The following DNM2 variants were observed in gnomAD, a reference collection of about 807,000 sequenced individuals.
DNM2 encodes dynamin 2, also known as dynamin-2.
A neutral mutation model predicts 99.0 loss-of-function variants in DNM2; 15 were observed. The ratio of observed to expected loss-of-function variants is 0.15; its 90% confidence interval spans 0.10 to 0.23. The LOEUF (loss-of-function observed/expected upper bound fraction) is 0.23. DNM2 is among the 10% of genes least tolerant of loss of function. DNM2 has a pLI of 1.00. For missense variants in DNM2, 742 were observed against 1,189.4 expected (o/e 0.62, Z 5.53); for synonymous variants, 525 against 481.2 (o/e 1.09, Z -1.19).
At chr19:10,797,952 T>A (rs1280031807) in intron 10 of DNM2, among the ~76,000 whole-genome samples, 1 of 152,102 alleles carries the variant, frequency 6.6e-6, no homozygotes, top group Non-Finnish European at 1.5e-5. Context: ...CCCCTGTGCA[T>A]GAGGTCTGGT....
intron 1 of DNM2, among the ~76,000 whole-genome samples, chr19:10,721,374 C>G (rs147712219): frequency 0.032 from 4,906 of 152,218 alleles, 84 homozygotes; most frequent in South Asian, 0.095. Context: ...CCAGGCTGGT[C>G]TTGAACTCCT....
chr19:10,826,138 G>T (rs34795914), intron 18 of DNM2, among the ~76,000 whole-genome samples: 3,135 of 152,232 alleles, frequency 0.021, 40 homozygotes, highest in Non-Finnish European at 0.029. Flanking sequence ...GCCACACTGG[G>T]TCCATAGTCC....
chr19:10,735,187 G>C (rs1278066994), intron 1 of DNM2, among the ~76,000 whole-genome samples: 1 of 151,984 alleles, frequency 6.6e-6, no homozygotes, highest in Non-Finnish European at 1.5e-5. Flanking sequence ...GGGATTACAG[G>C]CTGCCACCAT....
intron 10 of DNM2, among the ~76,000 whole-genome samples, chr19:10,797,736 G>T (rs1038399517): frequency 6.6e-6 from 1 of 152,176 alleles, no homozygotes; most frequent in African/African-American, 2.4e-5. Flanking sequence ...AGCCTTTGTT[G>T]TTGCCAAACG....
intron 13 of DNM2, 105 bp downstream of exon 13, chr19:10,806,072 C>T (rs2072327470): frequency 3.5e-6 from 5 of 1,424,138 alleles, no homozygotes; most frequent in Admixed American, 3.5e-5. Flanking sequence ...AGCCCCACCC[C>T]ACAGCCTCAG....
chr19:10,728,774 C>T (rs2069193717), intron 1 of DNM2, among the ~76,000 whole-genome samples: 1 of 151,952 alleles, frequency 6.6e-6, no homozygotes, highest in South Asian at 2.1e-4. Flanking sequence ...ATGGCGAGCC[C>T]CATCTCTACC....
At chr19:10,787,870 A>G (rs4804140) in intron 7 of DNM2, among the ~76,000 whole-genome samples, 141,959 of 150,792 alleles carry the variant, frequency 0.94, 67,012 homozygotes, top group East Asian at 1. Flanking sequence ...TTGAGGTTGC[A>G]GTGAGCCGAG....
chr19:10,830,547 C>T lies in DNM2; in HGVS notation c.2543+169C>T, dbSNP rs1406296133. 1 of 820,814 alleles carries T rather than the reference C, an allele frequency of 1.2e-6. No individual in the cohort carries two copies. Among genetic ancestry groups the T allele is most frequent in the African/African-American group, 1.7e-5 (1 of 58,296 alleles). The allele number at this position is 820,814 out of a possible 1,614,324, so 50.8% of individuals were successfully genotyped here. A position where few individuals can be genotyped will look rare whatever the true frequency, so the allele number is the denominator to read the frequency against. ...AAACAGGCCCAGAGAGGCCAAGAGGCTTGTTCAGTGTCACAGAGTAGCGGA... is the reference window on the plus strand; with the variant it reads ...AAACAGGCCCAGAGAGGCCAAGAGGTTTGTTCAGTGTCACAGAGTAGCGGA... On this transcript the variant is annotated intron_variant, in intron 20 of 20. Coordinates refer to ENST00000389253, the MANE Select transcript of DNM2 (RefSeq NM_001005361.3). This position sits in a 1 kb window ranked among gnomAD's most constrained non-coding sequence, Gnocchi z 4.8.
chr19:10,807,871 G>A (rs752272990), intron 13 of DNM2, among the ~76,000 whole-genome samples: 38 of 151,056 alleles, frequency 2.5e-4, no homozygotes, highest in South Asian at 8.4e-4. Context: ...GGACGGGCAC[G>A]GTGGCTCACA....
Position 10,777,086 on chromosome 19 carries a change from G to GCCTCTGA in DNM2, c.590-18_590-12dup, listed in dbSNP as rs748362325. 2.2e-3 allele frequency: 3,539 copies of GCCTCTGA among 1,611,150 alleles called. 5 individuals carry two copies. Among genetic ancestry groups the GCCTCTGA allele is most frequent in the Middle Eastern group, 4.3e-3 (26 of 6,048 alleles). On this transcript the variant is annotated intron_variant, in intron 4 of 20. Transcript: ENST00000389253. ...CAGCTGATGCTCTTTCCTGGTGGCA[G>GCCTCTGA]CCTCTGACCTCTGACCTCTGGGCTC...
chr19:10,722,887 AACGTGCTGGCATTAC>A (rs1428814681), intron 1 of DNM2, among the ~76,000 whole-genome samples: 1 of 151,732 alleles, frequency 6.6e-6, no homozygotes, highest in Non-Finnish European at 1.5e-5. Flanking sequence ...TCAGTCTCCC[AACGTGCTGGCATTAC>A]AGGTGTGAGC....
rs533153311 is a variant in DNM2, at chr19:10,827,150, G to A, written c.2059-1886G>A. On this transcript the variant is annotated intron_variant, in intron 18 of 20. Transcript: ENST00000389253. ...CACCCTGTTGCTCCCATTCTCAGTA[G>A]TGATCAGTGTTCACAGTTTCATGGT... 7.9e-5 allele frequency among the ~76,000 whole-genome samples: 12 copies of A among 152,238 alleles called. No individual in the cohort carries two copies. In the East Asian group the frequency reaches 1.9e-3, roughly 24 times the overall value.
chr19:10,795,275 T>A lies in DNM2; in HGVS notation c.1129-97T>A. The A allele has an allele frequency of 8.8e-7, 1 of 1,135,460 alleles. No individual in the cohort carries two copies. The allele number at this position is 1,135,460 out of a possible 1,614,324, so 70.3% of individuals were successfully genotyped here. A position where few individuals can be genotyped will look rare whatever the true frequency, so the allele number is the denominator to read the frequency against. On this transcript the variant is annotated intron_variant, in intron 8 of 20. Coordinates refer to ENST00000389253, the MANE Select transcript of DNM2 (RefSeq NM_001005361.3). The surrounding 1 kb of genome is among the most constrained non-coding windows in gnomAD (Gnocchi z 4.2). The stretch of plus-strand genomic sequence containing the variant: ...CGAGTTAAATATTCTGCCTTGTGAA[T>A]ATAGCCACACGTGGGAGAGAACGTT...
In DNM2 at chr19:10,791,247, C is replaced by T. The variant is rs1056631701; in HGVS notation, c.993-2473C>T. Among the ~76,000 whole-genome samples, 7 of 152,046 alleles carry T rather than the reference C, an allele frequency of 4.6e-5. No individual in the cohort carries two copies. The East Asian group carries it at 7.8e-4, about 17-fold the overall frequency. On this transcript the variant is annotated intron_variant, in intron 7 of 20. Coordinates refer to ENST00000389253, the MANE Select transcript of DNM2 (RefSeq NM_001005361.3). ...TGATCCTCAGGCGTGCACCACAGCA[C>T]CTGGCTAATTTTTAAAGTATTTCTA...
Position 10,822,896 on chromosome 19 carries a change from G to A in DNM2, c.1782-892G>A, listed in dbSNP as rs555000200. ...CCGAGGCAGGTAGGTCACGAGGTCA[G>A]AAGATCGAGATCATCCTGGCGAACA... On this transcript the variant is annotated intron_variant, in intron 16 of 20. Transcript: ENST00000389253. Among the ~76,000 whole-genome samples, 6 of 151,706 alleles carry A rather than the reference G, an allele frequency of 4.0e-5. No homozygotes were observed. The South Asian group carries it at 1.3e-3, about 32-fold the overall frequency.
At chr19:10,739,279 T>C (rs1251776984) in intron 1 of DNM2, among the ~76,000 whole-genome samples, 1 of 152,268 alleles carries the variant, frequency 6.6e-6, no homozygotes, top group Non-Finnish European at 1.5e-5. Flanking sequence ...TATTGAAATA[T>C]AATTCACATA....
Position 10,819,917 on chromosome 19 carries a change from G to T in DNM2, c.1672-63G>T, listed in dbSNP as rs536062535. 5.7e-4 allele frequency: 868 copies of T among 1,511,166 alleles called. 3 individuals are homozygous for T. The highest frequency in any genetic ancestry group is 7.4e-4 in the Non-Finnish European group (803 of 1,086,630). 93.6% of individuals were successfully genotyped at this position (1,511,166 alleles called of 1,614,324 possible). A position where few individuals can be genotyped will look rare whatever the true frequency, so the allele number is the denominator to read the frequency against. On this transcript the variant is annotated intron_variant, in intron 15 of 20. Coordinates refer to ENST00000389253, the MANE Select transcript of DNM2 (RefSeq NM_001005361.3). Reference sequence around the variant, plus strand: ...GTGGTGGCGCATGCTACACGCTCTGGCCTGGGGCATCCTGAGTTGTCACGT... The same window carrying T: ...GTGGTGGCGCATGCTACACGCTCTGTCCTGGGGCATCCTGAGTTGTCACGT...
intron 2 of DNM2, among the ~76,000 whole-genome samples, chr19:10,770,136 G>A (rs73923286): frequency 2.6e-4 from 40 of 152,282 alleles, no homozygotes; most frequent in Middle Eastern, 3.4e-3. Flanking sequence ...TAGTTTCTTC[G>A]GTTGCCATGA....
intron 13 of DNM2, among the ~76,000 whole-genome samples, chr19:10,806,890 G>A (rs1420925317): frequency 6.6e-6 from 1 of 152,146 alleles, no homozygotes; most frequent in Non-Finnish European, 1.5e-5. Flanking sequence ...GGGATTGGGA[G>A]CCCCTAGGTG....
Sources: allele counts gnomAD v4.1 joint callset (sites outside exome capture counted in the v4.1 genomes callset), GRCh38; gene constraint gnomAD v4.1.1; non-coding constraint Gnocchi (gnomAD v3.1); transcripts MANE v1.5; gene names NCBI Gene and HGNC (gene_info 2026-07-23, HGNC 2026-07-21).